PSMD1: variants seen among roughly 807,000 people sequenced by gnomAD.
PSMD1 encodes the protein proteasome 26S subunit, non-ATPase 1.
Under a neutral mutation model 119.0 loss-of-function variants are expected in PSMD1, and 18 were observed. The ratio of observed to expected loss-of-function variants is 0.15; its 90% CI spans 0.10 to 0.22. The LOEUF (loss-of-function observed/expected upper bound fraction) is 0.22. Among genes scored for constraint, PSMD1 ranks in the 10% least tolerant of loss-of-function variants. The pLI, the probability that PSMD1 is intolerant of heterozygous loss-of-function variation, is 1.00. For synonymous variants in PSMD1, 374 were observed against 396.6 expected, an observed-to-expected ratio of 0.94 and a Z score of 0.68; for missense variants, 702 against 1,158.5, an observed-to-expected ratio of 0.61 and a Z score of 5.72.
chr2:231,169,768 A>G (rs960845735), intron 23 of PSMD1, among the ~76,000 whole-genome samples: 4 of 152,226 alleles, frequency 2.6e-5, no homozygotes, highest in African/African-American at 7.2e-5. Flanking sequence ...CCTTTGACAC[A>G]GGCAAGCAAA....
chr2:231,132,755 T>G (rs1274191710), intron 16 of PSMD1, among the ~76,000 whole-genome samples: 2 of 152,234 alleles, frequency 1.3e-5, no homozygotes, highest in African/African-American at 4.8e-5. Context: ...GCCTCTGTTC[T>G]GTCTACCACA....
chr2:231,092,718 C>T (rs867358453), intron 16 of PSMD1, among the ~76,000 whole-genome samples: 10 of 152,312 alleles, frequency 6.6e-5, no homozygotes, highest in South Asian at 2.1e-4. Context: ...ATGGAGTCTA[C>T]GGGCTTGTCC....
chr2:231,060,759 G>A (rs930956859), intron 1 of PSMD1, among the ~76,000 whole-genome samples: 4 of 152,296 alleles, frequency 2.6e-5, no homozygotes, highest in Admixed American at 6.5e-5. Context: ...TTACCTTGTT[G>A]ATTTGATGAC....
At chr2:231,089,594 G>GATATATATATATATATATATAT (rs140932102) in intron 16 of PSMD1, among the ~76,000 whole-genome samples, 5 of 143,120 alleles carry the variant, frequency 3.5e-5, no homozygotes, top group African/African-American at 1.3e-4. Context: ...GAATTAATAG[G>GATATATATATATATATATATAT]ATATATATAT....
At position 231,089,732 on chromosome 2, in the gene PSMD1, G is replaced by C. The variant is rs186755594; in HGVS notation, c.1883+2551G>C. ...AAAACTGAAGAACTTGGAGTCCAATGTTTGAAGGCAGGAAGCATCCAGCAC... is the reference window on the plus strand; with the variant it reads ...AAAACTGAAGAACTTGGAGTCCAATCTTTGAAGGCAGGAAGCATCCAGCAC... On this transcript the variant is annotated intron_variant, in intron 16 of 24. Transcript: ENST00000308696. Among the ~76,000 whole-genome samples, 7 of 152,282 alleles carry C rather than the reference G, an allele frequency of 4.6e-5. No individual in the cohort carries two copies. In the East Asian group the frequency reaches 1.3e-3, roughly 29 times the overall value.
At chr2:231,112,928 G>A (rs1431665927) in intron 16 of PSMD1, among the ~76,000 whole-genome samples, 1 of 152,128 alleles carries the variant, frequency 6.6e-6, no homozygotes, top group Non-Finnish European at 1.5e-5. Flanking sequence ...ACTTTGGGAG[G>A]CTGGGGCAGG....
At chr2:231,142,428 A>C (rs1336125929) in intron 17 of PSMD1, among the ~76,000 whole-genome samples, 1 of 152,176 alleles carries the variant, frequency 6.6e-6, no homozygotes, top group Non-Finnish European at 1.5e-5. Flanking sequence ...AGGCCTCATA[A>C]GTTAAATGTA....
chr2:231,081,144 TAAAAA>T lies in PSMD1; in HGVS notation c.1413+848_1413+852del, dbSNP rs368987456. The stretch of plus-strand genomic sequence containing the variant: ...TGGGCGACAAGACAGAAACTCTGTC[TAAAAA>T]AAAAAAAAAAAAAAAAAGATTGAAG... On this transcript the variant is annotated intron_variant, in intron 12 of 24. Transcript: ENST00000308696. Among the ~76,000 whole-genome samples, 3 of 74,050 alleles carry T rather than the reference TAAAAA, an allele frequency of 4.1e-5. No individual in the cohort carries two copies. In the East Asian group the frequency reaches 1.1e-3, roughly 27 times the overall value. 48.6% of individuals were successfully genotyped at this position (74,050 alleles called of 152,430 possible).
In PSMD1 at chr2:231,085,209, A is replaced by G. The variant is rs574647973; in HGVS notation, c.1818+95A>G. The stretch of plus-strand genomic sequence containing the variant: ...GTGACTCCAGCATCCACAGCGCATG[A>G]CCACCACCAGTGGTCTTAGGTTGTG... On this transcript the variant is annotated intron_variant, in intron 15 of 24. Transcript: ENST00000308696. The G allele has an allele frequency of 4.0e-6, 4 of 997,750 alleles. No homozygotes were observed. The South Asian group carries it at 5.2e-5, about 13-fold the overall frequency. 61.8% of individuals were successfully genotyped at this position (997,750 alleles called of 1,614,324 possible). A position where few individuals can be genotyped will look rare whatever the true frequency, so the allele number is the denominator to read the frequency against.
At chr2:231,074,103 G>T (rs554405464) in intron 7 of PSMD1, among the ~76,000 whole-genome samples, 1 of 151,828 alleles carries the variant, frequency 6.6e-6, no homozygotes, top group Admixed American at 6.6e-5. Context: ...TAGGGGGATA[G>T]AATTTTTTAT....
In PSMD1 at chr2:231,082,858, AATGGAATCT is replaced by A; in HGVS notation, c.1414-21_1414-13del. On this transcript the variant is annotated splice_polypyrimidine_tract_variant and intron_variant, in intron 12 of 24. Transcript: ENST00000308696. Reference sequence around the variant, plus strand: ...TATGTTAAGTACAGTGTACCAAATCAATGGAATCTATGTTTTTTCCTTAGATCGTTAGAC... The same window carrying A: ...TATGTTAAGTACAGTGTACCAAATCAATGTTTTTTCCTTAGATCGTTAGAC... 7.1e-6 allele frequency: 11 copies of A among 1,549,550 alleles called. No homozygotes were observed. The highest frequency in any genetic ancestry group is 9.8e-6 in the Non-Finnish European group (11 of 1,122,540).
intron 5 of PSMD1, among the ~76,000 whole-genome samples, chr2:231,067,624 TC>T (rs1693939335): frequency 6.6e-6 from 1 of 152,084 alleles, no homozygotes; most frequent in African/African-American, 2.4e-5. Context: ...CCTGCCTCGT[TC>T]CCCCTTCCAA....
At position 231,104,576 on chromosome 2, in the gene PSMD1, C is replaced by G. The variant is rs555620629; in HGVS notation, c.1883+17395C>G. On this transcript the variant is annotated intron_variant, in intron 16 of 24. Coordinates refer to ENST00000308696, the MANE Select transcript of PSMD1 (RefSeq NM_002807.4). ...TCTAAGTTTTAGTTTACTGCCATTT[C>G]CCTAGAGTGAGAATTTTTTAAAGTA... is the stretch of plus-strand genomic sequence containing the variant. Among the ~76,000 whole-genome samples, 56 of 152,160 alleles carry G rather than the reference C, an allele frequency of 3.7e-4. No homozygotes were observed. In the South Asian group the frequency reaches 0.011, roughly 29 times the overall value.
intron 16 of PSMD1, among the ~76,000 whole-genome samples, chr2:231,088,434 C>T (rs535003478): frequency 6.6e-6 from 1 of 152,212 alleles, no homozygotes; most frequent in Non-Finnish European, 1.5e-5. Flanking sequence ...CTGCATCAAG[C>T]AAGTCTACCA....
intron 16 of PSMD1, chr2:231,113,873 G>A (rs1695243881): frequency 2.5e-6 from 4 of 1,614,044 alleles, no homozygotes; most frequent in Non-Finnish European, 3.4e-6. Flanking sequence ...GTTGAAAAGA[G>A]AACGTCAAGA....
At chr2:231,151,862 G>C (rs1458506389) in intron 18 of PSMD1, among the ~76,000 whole-genome samples, 1 of 144,644 alleles carries the variant, frequency 6.9e-6, no homozygotes, top group African/African-American at 2.6e-5. Flanking sequence ...GCCCAGGCTG[G>C]AGTGCAGTGG....
intron 16 of PSMD1, among the ~76,000 whole-genome samples, chr2:231,114,705 C>T (rs1321175177): frequency 6.6e-6 from 1 of 152,096 alleles, no homozygotes; most frequent in East Asian, 1.9e-4. Flanking sequence ...GTCTTAAGCA[C>T]TTTAGAAATA....
rs189360810 is a variant in PSMD1 at position 231,112,945 on chromosome 2, G to A, written c.1883+25764G>A. On this transcript the variant is annotated intron_variant, in intron 16 of 24. Coordinates refer to ENST00000308696, the MANE Select transcript of PSMD1 (RefSeq NM_002807.4). Reference sequence around the variant, plus strand: ...TTTGGGAGGCTGGGGCAGGGGGATCGCCAGAGCTCAAGAGTTTGAGACCAG... The same window carrying A: ...TTTGGGAGGCTGGGGCAGGGGGATCACCAGAGCTCAAGAGTTTGAGACCAG... Among the ~76,000 whole-genome samples, 205 of 152,110 alleles carry A rather than the reference G, an allele frequency of 1.3e-3. 1 individual carries two copies. The highest frequency in any genetic ancestry group is 4.6e-3 in the African/African-American group (190 of 41,480).
chr2:231,100,288 A>G (rs1237749205), intron 16 of PSMD1, among the ~76,000 whole-genome samples: 3 of 152,116 alleles, frequency 2.0e-5, no homozygotes, highest in African/African-American at 4.8e-5. Context: ...GCAATGGTGA[A>G]CACACACTTG....
Sources: allele counts gnomAD v4.1 joint callset (sites outside exome capture counted in the v4.1 genomes callset), GRCh38; gene constraint gnomAD v4.1.1; transcripts MANE v1.5; gene names NCBI Gene and HGNC (gene_info 2026-07-23, HGNC 2026-07-21).